PAK3: variants seen among roughly 807,000 people sequenced by gnomAD.
The protein encoded by PAK3 is serine/threonine-protein kinase PAK 3.
Under a neutral mutation model 41.0 loss-of-function variants are expected in PAK3, and 4 were observed. That is an observed-to-expected ratio of 0.10 (90% CI 0.05 to 0.22). The LOEUF is 0.22. Ranked by LOEUF, PAK3 falls within the 10% of genes least tolerant of loss-of-function variation. The pLI is 1.00. For synonymous variants in PAK3, 146 were observed against 139.6 expected (o/e 1.05, Z -0.32); for missense variants, 205 against 409.9 (o/e 0.50, Z 4.32).
At chrX:111,105,997 TATTC>T (rs2093253644) in intron 4 of PAK3, among the ~76,000 whole-genome samples, 1 of 111,667 alleles carries the variant, frequency 9.0e-6, no homozygotes, top group Admixed American at 9.5e-5. Context: ...AACACTCACA[TATTC>T]ACTCACTTTC....
intron 1 of PAK3, among the ~76,000 whole-genome samples, chrX:110,953,463 T>C (rs1038446125): frequency 8.9e-6 from 1 of 112,328 alleles, no homozygotes; most frequent in African/African-American, 3.2e-5. Context: ...ACAGAATCAC[T>C]TGGGGACATT....
At chrX:111,086,539 A>G (rs907622907) in intron 1 of PAK3, among the ~76,000 whole-genome samples, 1 of 111,553 alleles carries the variant, frequency 9.0e-6, no homozygotes. Context: ...GTCAAAGACA[A>G]TCTCACGATT....
chrX:111,172,651 C>T (rs1218886221), intron 10 of PAK3, among the ~76,000 whole-genome samples: 1 of 111,293 alleles, frequency 9.0e-6, no homozygotes, highest in African/African-American at 3.3e-5. Flanking sequence ...CCTCCAGCTC[C>T]ATCCCTTTCT....
chrX:111,182,683 A>G (rs2094472998), intron 11 of PAK3, among the ~76,000 whole-genome samples: 1 of 111,076 alleles, frequency 9.0e-6, no homozygotes, highest in South Asian at 3.8e-4. Flanking sequence ...ATCAAACTAT[A>G]TATATACAGA....
At chrX:111,032,388 C>T (rs1254746773) in intron 1 of PAK3, among the ~76,000 whole-genome samples, 2 of 111,541 alleles carry the variant, frequency 1.8e-5, no homozygotes, top group Admixed American at 9.5e-5. Context: ...TTCAGCCAAG[C>T]CTTATTCTTT....
chrX:111,215,840 A>G (rs139598870), intron 16 of PAK3, among the ~76,000 whole-genome samples: 1,261 of 112,382 alleles, frequency 0.011, 18 homozygotes, highest in African/African-American at 0.039. Context: ...CAGCTGCCAC[A>G]GGGTAAAAGT....
chrX:111,218,944 C>A (rs1029950103), intron 17 of PAK3, among the ~76,000 whole-genome samples: 6 of 110,533 alleles, frequency 5.4e-5, no homozygotes, highest in African/African-American at 2.0e-4. Flanking sequence ...AATCCCAACA[C>A]TTTGTGAGGC....
intron 7 of PAK3, among the ~76,000 whole-genome samples, chrX:111,151,592 A>G (rs971515163): frequency 1.2e-4 from 13 of 112,099 alleles, no homozygotes; most frequent in African/African-American, 3.9e-4. Context: ...CATGTGGAAT[A>G]TATTCTAAGA....
At chrX:110,988,096 T>C (rs1017873120) in intron 1 of PAK3, among the ~76,000 whole-genome samples, 5 of 112,998 alleles carry the variant, frequency 4.4e-5, no homozygotes, top group African/African-American at 1.6e-4. Flanking sequence ...TAACTGTGAT[T>C]CCTTAATGTC....
At chrX:111,213,337 T>C (rs906732719) in intron 16 of PAK3, among the ~76,000 whole-genome samples, 4 of 112,165 alleles carry the variant, frequency 3.6e-5, no homozygotes, top group South Asian at 7.4e-4. Flanking sequence ...TCTTCTCCCT[T>C]GATGTACTAT....
intron 1 of PAK3, among the ~76,000 whole-genome samples, chrX:111,011,101 G>A (rs1239000891): frequency 1.8e-5 from 2 of 111,784 alleles, no homozygotes; most frequent in African/African-American, 6.5e-5. Flanking sequence ...AAAAGATGGT[G>A]CCTCTTTTGT....
intron 1 of PAK3, among the ~76,000 whole-genome samples, chrX:111,086,846 G>A (rs1160461830): frequency 8.9e-6 from 1 of 111,832 alleles, no homozygotes; most frequent in Non-Finnish European, 1.9e-5. Flanking sequence ...AAAACCTGCA[G>A]TCAAACTGCT....
chrX:111,073,084 C>T (rs1569301775), intron 1 of PAK3, among the ~76,000 whole-genome samples: 1 of 111,227 alleles, frequency 9.0e-6, no homozygotes, highest in African/African-American at 3.3e-5. Context: ...GCGGGGGCCT[C>T]CATGTTCCCA....
At chrX:111,209,452 T>C (rs969079720) in intron 16 of PAK3, among the ~76,000 whole-genome samples, 1 of 112,509 alleles carries the variant, frequency 8.9e-6, no homozygotes, top group Non-Finnish European at 1.9e-5. Context: ...GGATATAACA[T>C]TTATATAGAT....
At chrX:111,002,983 A>G (rs987198751) in intron 1 of PAK3, among the ~76,000 whole-genome samples, 2 of 112,018 alleles carry the variant, frequency 1.8e-5, no homozygotes, top group Admixed American at 1.9e-4. Flanking sequence ...CCCTGGACCA[A>G]CTGGGGCTGG....
At chrX:111,159,032 G>T (rs1474979569) in intron 8 of PAK3, among the ~76,000 whole-genome samples, 2 of 111,296 alleles carry the variant, frequency 1.8e-5, no homozygotes, top group African/African-American at 6.5e-5. Flanking sequence ...GTCACATCAT[G>T]CATTGCTTTA....
At chrX:111,005,423 C>A (rs2091908423) in intron 1 of PAK3, among the ~76,000 whole-genome samples, 1 of 111,589 alleles carries the variant, frequency 9.0e-6, no homozygotes, top group South Asian at 3.8e-4. Flanking sequence ...CTAGATTGAC[C>A]CAAATTCATT....
At chrX:111,186,802 C>T (rs1321261228) in intron 11 of PAK3, among the ~76,000 whole-genome samples, 1 of 111,519 alleles carries the variant, frequency 9.0e-6, no homozygotes, top group Non-Finnish European at 1.9e-5. Flanking sequence ...TCATATGGAA[C>T]CAAAAAAAGA....
intron 4 of PAK3, among the ~76,000 whole-genome samples, chrX:111,119,758 G>A (rs1214793423): frequency 8.9e-6 from 1 of 112,010 alleles, no homozygotes. Context: ...GGAATAGTAG[G>A]AGATACTTCC....
Sources: allele counts gnomAD v4.1 joint callset (sites outside exome capture counted in the v4.1 genomes callset), GRCh38; gene constraint gnomAD v4.1.1; transcripts MANE v1.5; gene names NCBI Gene and HGNC (gene_info 2026-07-23, HGNC 2026-07-21).